CFAP57: variants seen among roughly 807,000 people sequenced by gnomAD.
CFAP57 encodes cilia and flagella associated protein 57, also known as cilia- and flagella-associated protein 57.
A neutral mutation model predicts 146.8 loss-of-function variants in CFAP57; 116 were observed. The ratio of observed to expected loss-of-function variants is 0.79; its 90% confidence interval spans 0.68 to 0.92. CFAP57 has a LOEUF of 0.92. Ranked by LOEUF, CFAP57 falls within the 40% of genes least tolerant of loss-of-function variation. The pLI is 0.00. For synonymous variants in CFAP57, 518 were observed against 552.8 expected, an observed-to-expected ratio of 0.94 and a Z score of 0.88; for missense variants, 1,377 against 1,527.2, an observed-to-expected ratio of 0.90 and a Z score of 1.64.
intron 11 of CFAP57, 27 bp downstream of exon 11, chr1:43,209,943 C>G: frequency 3.7e-6 from 6 of 1,614,110 alleles, no homozygotes; most frequent in Non-Finnish European, 5.1e-6. Flanking sequence ...CCCCAGGAAC[C>G]CAGTCCCACA....
chr1:43,253,945 C>A, intron 22 of CFAP57, 32 bp from the exon 23 acceptor site: 1 of 1,541,720 alleles, frequency 6.5e-7, no homozygotes, highest in Non-Finnish European at 8.8e-7. Flanking sequence ...GTGCAATGGA[C>A]AGGCCCACAT....
intron 9 of CFAP57, among the ~76,000 whole-genome samples, chr1:43,204,882 G>A (rs528974443): frequency 2.6e-5 from 4 of 152,182 alleles, no homozygotes; most frequent in African/African-American, 9.6e-5. Context: ...AGGCTGCGAG[G>A]GATGAATATG....
Position 43,209,843 on chromosome 1 carries a change from G to C in CFAP57, c.1856G>C (p.Arg619Pro). The C allele has an allele frequency of 6.2e-7, 1 of 1,614,134 alleles. No homozygotes were observed. ...GTGGGCACCTCGGTGGGAACCATTCGTGCCATGAAGTACCCTCTGCCTCTG... is the reference window on the plus strand; with the variant it reads ...GTGGGCACCTCGGTGGGAACCATTCCTGCCATGAAGTACCCTCTGCCTCTG... ...MFVGTSVGTI[R>P]AMKYPLPLQK... Residue 619 changes from arginine to proline, a missense_variant, in exon 11 of 23, where the codon CGT becomes CCT. Coordinates refer to ENST00000372492, the MANE Select transcript of CFAP57 (RefSeq NM_001378189.1).
intron 22 of CFAP57, among the ~76,000 whole-genome samples, 176 bp downstream of exon 22, chr1:43,243,535 C>T (rs1356980892): frequency 1.3e-5 from 2 of 152,216 alleles, no homozygotes; most frequent in Non-Finnish European, 2.9e-5. Context: ...CCTTCCCACA[C>T]TCCGACACAC....
At chr1:43,216,463 A>T (rs1258970194) in intron 12 of CFAP57, among the ~76,000 whole-genome samples, 3 of 152,148 alleles carry the variant, frequency 2.0e-5, no homozygotes, top group African/African-American at 7.2e-5. Flanking sequence ...TTTCTCTGTT[A>T]TCTTTTCTGT....
chr1:43,244,254 A>G (rs765327344), intron 22 of CFAP57, among the ~76,000 whole-genome samples: 6 of 152,212 alleles, frequency 3.9e-5, no homozygotes, highest in Non-Finnish European at 8.8e-5. Context: ...ATTAAGGAAT[A>G]AAGATTAGAG....
In CFAP57 at chr1:43,215,379, A is replaced by T; in HGVS notation, c.2054A>T (p.Glu685Val). The change falls in exon 12 of 23, where the codon GAA (glutamate) becomes GTA (valine). Residue 685 changes from glutamate (E) to valine (V), a missense_variant. Transcript: ENST00000372492. ...CGAGAGAGGGAGGTGGGCTTTGCCGAAGAGGTGCTTGTGACTAAAACAGAC... is the reference window on the plus strand; with the variant it reads ...CGAGAGAGGGAGGTGGGCTTTGCCGTAGAGGTGCTTGTGACTAAAACAGAC... ...IKREREVGFAEEVLVTKTDME... is the reference protein window; with the variant it reads ...IKREREVGFAVEVLVTKTDME... The T allele has an allele frequency of 1.9e-6, 3 of 1,550,998 alleles. No individual in the cohort carries two copies. The highest frequency in any genetic ancestry group is 2.6e-6 in the Non-Finnish European group (3 of 1,147,078).
intron 22 of CFAP57, among the ~76,000 whole-genome samples, chr1:43,246,542 TCTAA>T (rs1646122104): frequency 6.6e-6 from 1 of 152,064 alleles, no homozygotes; most frequent in South Asian, 2.1e-4. Flanking sequence ...GAATCAAAGA[TCTAA>T]ACAGAAGAGC....
At chr1:43,237,130 T>C (rs1451060688) in intron 21 of CFAP57, among the ~76,000 whole-genome samples, 1 of 152,170 alleles carries the variant, frequency 6.6e-6, no homozygotes, top group Non-Finnish European at 1.5e-5. Flanking sequence ...AGGAGCCAGC[T>C]GGACCTCATC....
chr1:43,253,047 T>C (rs757935738), intron 22 of CFAP57, among the ~76,000 whole-genome samples: 2 of 152,120 alleles, frequency 1.3e-5, no homozygotes, highest in African/African-American at 2.4e-5. Flanking sequence ...TTTTCCAGAA[T>C]TGATGAAAGA....
At chr1:43,211,299 G>A (rs573246398) in intron 11 of CFAP57, among the ~76,000 whole-genome samples, 7 of 152,138 alleles carry the variant, frequency 4.6e-5, no homozygotes, top group Non-Finnish European at 1.0e-4. Context: ...ATCCTTGCCA[G>A]GCGCAGTGGC....
chr1:43,227,026 G>A lies in CFAP57; in HGVS notation c.2909G>A (p.Gly970Glu), dbSNP rs1354215851. The change falls in exon 18 of 23, where the codon GGG (glycine) becomes GAG (glutamate). Residue 970 changes from glycine to glutamate, a missense_variant. Transcript: ENST00000372492. Reference sequence around the variant, plus strand: ...CTGAAAAAGAAAAATCAAGAACTAGGGAAATTCAAGTTTGTGCTTGACTAC... The same window carrying A: ...CTGAAAAAGAAAAATCAAGAACTAGAGAAATTCAAGTTTGTGCTTGACTAC... ...YDLKKKNQELGKFKFVLDYKI... is the reference protein window; with the variant it reads ...YDLKKKNQELEKFKFVLDYKI... 9.1e-6 allele frequency: 14 copies of A among 1,531,520 alleles called. No individual in the cohort carries two copies. Among genetic ancestry groups the A allele is most frequent in the Non-Finnish European group, 1.2e-5 (14 of 1,140,266 alleles). The allele number at this position is 1,531,520 out of a possible 1,614,324, so 94.9% of individuals were successfully genotyped here.
intron 2 of CFAP57, among the ~76,000 whole-genome samples, chr1:43,178,965 A>T (rs1645277338): frequency 6.6e-6 from 1 of 152,248 alleles, no homozygotes; most frequent in Non-Finnish European, 1.5e-5. Context: ...ATAAAAAAGG[A>T]TGAGTTCATG....
intron 2 of CFAP57, among the ~76,000 whole-genome samples, chr1:43,180,606 A>G (rs1645365800): frequency 6.6e-6 from 1 of 152,152 alleles, no homozygotes; most frequent in African/African-American, 2.4e-5. Flanking sequence ...TGCCCAGCCC[A>G]TGGGAATTCT....
At chr1:43,247,114 T>G (rs1051910554) in intron 22 of CFAP57, among the ~76,000 whole-genome samples, 1 of 152,210 alleles carries the variant, frequency 6.6e-6, no homozygotes, top group African/African-American at 2.4e-5. Context: ...CAATATATAA[T>G]GTACTATTTC....
At chr1:43,234,733 C>A (rs1645621042) in intron 21 of CFAP57, 95 bp downstream of exon 21, 1 of 1,421,296 alleles carries the variant, frequency 7.0e-7, no homozygotes, top group African/African-American at 1.4e-5. Flanking sequence ...GTCTTCAGGG[C>A]TCCCCAGGTG....
chr1:43,247,368 T>TA (rs2124680248), intron 22 of CFAP57, among the ~76,000 whole-genome samples: 1 of 152,326 alleles, frequency 6.6e-6, no homozygotes, highest in South Asian at 2.1e-4. Flanking sequence ...TCAATATCCT[T>TA]AAGTCCACCA....
At chr1:43,243,502 G>A in intron 22 of CFAP57, 143 bp downstream of exon 22, 1 of 838,556 alleles carries the variant, frequency 1.2e-6, no homozygotes, top group Non-Finnish European at 1.7e-6. Flanking sequence ...GCACACACCT[G>A]CTCTTTGAGG....
intron 3 of CFAP57, among the ~76,000 whole-genome samples, chr1:43,182,869 T>G (rs1006066405): frequency 6.6e-6 from 1 of 152,258 alleles, no homozygotes; most frequent in Admixed American, 6.5e-5. Flanking sequence ...TGCCTATTAC[T>G]GTACAGGTAG....
Sources: gnomAD v4.1 joint callset for allele counts (sites outside exome capture counted in the v4.1 genomes callset) on GRCh38, gnomAD v4.1.1 for gene constraint, MANE v1.5 for transcripts, NCBI Gene and HGNC (gene_info 2026-07-23, HGNC 2026-07-21) for gene names.